Variants in EGR3 observed in about 807,000 individuals in gnomAD.
EGR3 encodes the protein early growth response 3.
Under a neutral mutation model 22.4 loss-of-function variants are expected in EGR3, and 4 were observed. The observed-to-expected ratio is 0.18, with a 90% CI of 0.09 to 0.41. The LOEUF is 0.41. Among genes scored for constraint, EGR3 ranks in the 10% least tolerant of loss-of-function variants. The probability of loss-of-function intolerance (pLI) is 1.00; values close to 1 mark genes in which losing one functional copy is unlikely to be tolerated. For missense variants in EGR3, 315 were observed against 541.3 expected, an observed-to-expected ratio of 0.58 and a Z score of 4.15; for synonymous variants, 219 against 226.8, an observed-to-expected ratio of 0.97 and a Z score of 0.31.
At position 22,692,958 on chromosome 8, in the gene EGR3, TGCCGCCGCC is replaced by T; in HGVS notation, c.-23_-15del. On this transcript the variant is annotated 5_prime_UTR_variant, in exon 1 of 2. Coordinates refer to ENST00000317216, the MANE Select transcript of EGR3 (RefSeq NM_004430.3). This position sits in a 1 kb window ranked among gnomAD's most constrained non-coding sequence, Gnocchi z 6.2. ...TTTGCCGGTCATAGCACTCCCGAGC[TGCCGCCGCC>T]GCCGCCACCGCCGCCACCGCCGCCG... 6.3e-7 allele frequency: 1 copy of T among 1,599,094 alleles called. No individual in the cohort carries two copies. Among genetic ancestry groups the T allele is most frequent in the Non-Finnish European group, 8.5e-7 (1 of 1,175,132 alleles).
chr8:22,692,640 C>T lies in EGR3; in HGVS notation c.154+151G>A. 2.1e-6 allele frequency: 3 copies of T among 1,429,372 alleles called. No individual in the cohort carries two copies. The highest frequency in any genetic ancestry group is 2.5e-5 in the East Asian group (1 of 39,382). 88.5% of individuals were successfully genotyped at this position (1,429,372 alleles called of 1,614,324 possible). A position where few individuals can be genotyped will look rare whatever the true frequency, so the allele number is the denominator to read the frequency against. On this transcript the variant is annotated intron_variant, in intron 1 of 1. Transcript: ENST00000317216. This position sits in a 1 kb window ranked among gnomAD's most constrained non-coding sequence, Gnocchi z 6.2. The stretch of plus-strand genomic sequence containing the variant: ...CCCCCCGCAAAATTCCCAGCGCGCC[C>T]CCATCTCTCCATCCATTTATCTATC...
chr8:22,691,189 A>T lies in EGR3; in HGVS notation c.448T>A (p.Cys150Ser), dbSNP rs1368120293. Residue 150 changes from cysteine to serine, a missense_variant, in exon 2 of 2, where the codon TGC becomes AGC. Transcript: ENST00000317216. ...MYPALPPYSN[C>S]GDLYSEPVSF... ...ACGGGCTCTGAGTAGAGGTCGCCGC[A>T]GTTGGAGTAGGGGGGTAGCGCGGGA... 1 of 1,613,872 alleles carries T rather than the reference A, an allele frequency of 6.2e-7. No homozygotes were observed. Among genetic ancestry groups the T allele is most frequent in the South Asian group, 1.1e-5 (1 of 91,074 alleles).
At position 22,691,110 on chromosome 8, in the gene EGR3, T is replaced by C. The variant is rs1803938880; in HGVS notation, c.527A>G (p.Tyr176Cys). Reference sequence around the variant, plus strand: ...GTCCAACGCCGGCTTGGCCGATTGGTAATCCTGGGGGGAATAGGCGAGCCC... The same window carrying C: ...GTCCAACGCCGGCTTGGCCGATTGGCAATCCTGGGGGGAATAGGCGAGCCC... ...NPGLAYSPQDYQSAKPALDSN... is the reference protein window; with the variant it reads ...NPGLAYSPQDCQSAKPALDSN... Residue 176 changes from tyrosine (Y) to cysteine (C), a missense_variant, in exon 2 of 2, where the codon TAC becomes TGC. Tyr to Cys is a radical substitution (Grantham distance 194). This residue lies in a region of EGR3 where 227 missense variants were observed against 303.6 expected (regional missense o/e 0.75). Transcript: ENST00000317216. 6 of 1,613,864 alleles carry C rather than the reference T, an allele frequency of 3.7e-6. No individual in the cohort carries two copies. Among genetic ancestry groups the C allele is most frequent in the Non-Finnish European group, 5.1e-6 (6 of 1,179,886 alleles).
chr8:22,690,407 C>T lies in EGR3; in HGVS notation c.*66G>A. 2 of 1,381,546 alleles carry T rather than the reference C, an allele frequency of 1.4e-6. No homozygotes were observed. The highest frequency in any genetic ancestry group is 2.0e-6 in the Non-Finnish European group (2 of 1,020,188). The allele number at this position is 1,381,546 out of a possible 1,614,324, so 85.6% of individuals were successfully genotyped here. A position where few individuals can be genotyped will look rare whatever the true frequency, so the allele number is the denominator to read the frequency against. On this transcript the variant is annotated 3_prime_UTR_variant, in exon 2 of 2. Coordinates refer to ENST00000317216, the MANE Select transcript of EGR3 (RefSeq NM_004430.3). ...CCTACGCCTCCGTGGCTGGCTTTCC[C>T]GCTGCTTTCAGGCTAGCAGCCGGGA... is the stretch of plus-strand genomic sequence containing the variant.
chr8:22,692,023 T>C lies in EGR3; in HGVS notation c.155-541A>G. 1.5e-6 allele frequency: 2 copies of C among 1,297,414 alleles called. No individual in the cohort carries two copies. Among genetic ancestry groups the C allele is most frequent in the Non-Finnish European group, 2.0e-6 (2 of 1,023,312 alleles). 80.4% of individuals were successfully genotyped at this position (1,297,414 alleles called of 1,614,324 possible). A position where few individuals can be genotyped will look rare whatever the true frequency, so the allele number is the denominator to read the frequency against. On this transcript the variant is annotated intron_variant, in intron 1 of 1. Coordinates refer to ENST00000317216, the MANE Select transcript of EGR3 (RefSeq NM_004430.3). The surrounding 1 kb of genome is among the most constrained non-coding windows in gnomAD (Gnocchi z 6.2). ...GAAGGGTGTCGCCCTCAAAGGGAGC[T>C]CTCCCTTCACCTACCCCGGCCCCAG...
At chr8:22,691,563 G>A (rs889277776) in intron 1 of EGR3, 81 bp from the exon 2 acceptor site, 11 of 1,537,536 alleles carry the variant, frequency 7.2e-6, no homozygotes, top group Non-Finnish European at 9.6e-6. Flanking sequence ...CCTTGCCCAG[G>A]TGCGGAGGGT....
intron 1 of EGR3, 132 bp from the exon 2 acceptor site, chr8:22,691,614 G>T: frequency 7.0e-7 from 1 of 1,437,714 alleles, no homozygotes; most frequent in East Asian, 2.4e-5. Flanking sequence ...TAAGAGGAAC[G>T]CTGAGCCCCG....
Position 22,692,107 on chromosome 8 carries a change from C to T in EGR3, c.155-625G>A, listed in dbSNP as rs1803989865. 7.3e-7 allele frequency: 1 copy of T among 1,363,854 alleles called. No homozygotes were observed. Among genetic ancestry groups the T allele is most frequent in the Non-Finnish European group, 9.4e-7 (1 of 1,062,944 alleles). 84.5% of individuals were successfully genotyped at this position (1,363,854 alleles called of 1,614,324 possible). A position where few individuals can be genotyped will look rare whatever the true frequency, so the allele number is the denominator to read the frequency against. Reference sequence around the variant, plus strand: ...CTGGAGGGGAAAATCCTAGCCCCAGCTAGGGAGGGTGGAGAGCGGCGGAAA... The same window carrying T: ...CTGGAGGGGAAAATCCTAGCCCCAGTTAGGGAGGGTGGAGAGCGGCGGAAA... On this transcript the variant is annotated intron_variant, in intron 1 of 1. Transcript: ENST00000317216. This position sits in a 1 kb window ranked among gnomAD's most constrained non-coding sequence, Gnocchi z 6.2.
chr8:22,692,697 C>T lies in EGR3; in HGVS notation c.154+94G>A. 6.6e-7 allele frequency: 1 copy of T among 1,509,736 alleles called. No homozygotes were observed. Among genetic ancestry groups the T allele is most frequent in the South Asian group, 1.2e-5 (1 of 83,314 alleles). 93.5% of individuals were successfully genotyped at this position (1,509,736 alleles called of 1,614,324 possible). A position where few individuals can be genotyped will look rare whatever the true frequency, so the allele number is the denominator to read the frequency against. On this transcript the variant is annotated intron_variant, in intron 1 of 1. Coordinates refer to ENST00000317216, the MANE Select transcript of EGR3 (RefSeq NM_004430.3). This position sits in a 1 kb window ranked among gnomAD's most constrained non-coding sequence, Gnocchi z 6.2. The stretch of plus-strand genomic sequence containing the variant: ...TCCACCCATCCATCCATCCATCCAT[C>T]CATCCATCCATCCATCCATCACCAG...
At position 22,692,311 on chromosome 8, in the gene EGR3, C is replaced by T; in HGVS notation, c.154+480G>A. The T allele has an allele frequency of 6.6e-7, 1 of 1,518,788 alleles. No individual in the cohort carries two copies. Among genetic ancestry groups the T allele is most frequent in the Non-Finnish European group, 8.8e-7 (1 of 1,139,556 alleles). 94.1% of individuals were successfully genotyped at this position (1,518,788 alleles called of 1,614,324 possible). On this transcript the variant is annotated intron_variant, in intron 1 of 1. Coordinates refer to ENST00000317216, the MANE Select transcript of EGR3 (RefSeq NM_004430.3). This position sits in a 1 kb window ranked among gnomAD's most constrained non-coding sequence, Gnocchi z 6.2. ...GGCAGCGTCGCAGTACCTCTCCCAC[C>T]GCGGGGACTCCACGCCGCACATGGC... is the stretch of plus-strand genomic sequence containing the variant.
chr8:22,691,347 C>T lies in EGR3; in HGVS notation c.290G>A (p.Trp97Ter). 6.2e-7 allele frequency: 1 copy of T among 1,614,132 alleles called. No homozygotes were observed. The highest frequency in any genetic ancestry group is 8.5e-7 in the Non-Finnish European group (1 of 1,180,028). ...GKFAFDSPSN[W>*]CQDNIISLMS... ...GAGGCTAATGATGTTGTCCTGGCACCAGTTGGAAGGGGAGTCGAAGGCGAA... is the reference window on the plus strand; with the variant it reads ...GAGGCTAATGATGTTGTCCTGGCACTAGTTGGAAGGGGAGTCGAAGGCGAA... Residue 97 changes from tryptophan to a stop codon, truncating the protein, a stop_gained, in exon 2 of 2, where the codon TGG (tryptophan) becomes TAG (stop). Coordinates refer to ENST00000317216, the MANE Select transcript of EGR3 (RefSeq NM_004430.3). LOFTEE classifies it high-confidence loss of function.
chr8:22,691,059 T>G lies in EGR3; in HGVS notation c.578A>C (p.Asp193Ala). 2 of 1,611,650 alleles carry G rather than the reference T, an allele frequency of 1.2e-6. No individual in the cohort carries two copies. Among genetic ancestry groups the G allele is most frequent in the Non-Finnish European group, 1.7e-6 (2 of 1,178,206 alleles). ...LDSNLFPMIP[D>A]YNLYHHPNDM... ...GTTGGGGTGGTGGTAGAGGTTGTAGTCAGGAATCATGGGGAAGAGATTGCT... is the reference window on the plus strand; with the variant it reads ...GTTGGGGTGGTGGTAGAGGTTGTAGGCAGGAATCATGGGGAAGAGATTGCT... Residue 193 changes from aspartate (D) to alanine (A), a missense_variant, in exon 2 of 2, where the codon GAC becomes GCC. By Grantham distance (126) the Asp-to-Ala change is moderately radical (BLOSUM62 -2). Transcript: ENST00000317216.
rs1000451981 is a variant in EGR3 at position 22,690,289 on chromosome 8, C to T, written c.*184G>A. 1.6e-6 allele frequency: 1 copy of T among 609,526 alleles called. No individual in the cohort carries two copies. The highest frequency in any genetic ancestry group is 2.9e-6 in the Non-Finnish European group (1 of 350,058). The allele number at this position is 609,526 out of a possible 1,614,324, so 37.8% of individuals were successfully genotyped here. A position where few individuals can be genotyped will look rare whatever the true frequency, so the allele number is the denominator to read the frequency against. ...AGGGGAAGGCGCCTCCAGCCCTGGC[C>T]CCTGACCGCTGGCCGGCGTGAAAGG... On this transcript the variant is annotated 3_prime_UTR_variant, in exon 2 of 2. Transcript: ENST00000317216.
rs1404836693 is a variant in EGR3, at chr8:22,691,381, A to G, written c.256T>C (p.Leu86=). 4 of 1,613,938 alleles carry G rather than the reference A, an allele frequency of 2.5e-6. No homozygotes were observed. Among genetic ancestry groups the G allele is most frequent in the Admixed American group, 1.7e-5 (1 of 60,002 alleles). ...GGGGAGTCGAAGGCGAACTTTCCCA[A>G]GTAGGTCACGGTCTTGTTGCCGGGG... ...PAPGNKTVTY[L]GKFAFDSPSN... Residue 86 remains leucine, a synonymous_variant, in exon 2 of 2, where the codon TTG becomes CTG. Coordinates refer to ENST00000317216, the MANE Select transcript of EGR3 (RefSeq NM_004430.3).
Position 22,692,871 on chromosome 8 carries a change from T to C in EGR3, c.74A>G (p.Tyr25Cys). 1.9e-6 allele frequency: 3 copies of C among 1,612,272 alleles called. No individual in the cohort carries two copies. Among genetic ancestry groups the C allele is most frequent in the Non-Finnish European group, 2.5e-6 (3 of 1,179,602 alleles). ...GAGCGCGCTGGGGATCTCCTCGGGGTACAGATTGTCAGGCAGTTGGTTTAG... is the reference window on the plus strand; with the variant it reads ...GAGCGCGCTGGGGATCTCCTCGGGGCACAGATTGTCAGGCAGTTGGTTTAG... ...SLLNQLPDNL[Y>C]PEEIPSALNL... The change falls in exon 1 of 2, where the codon TAC (tyrosine) becomes TGC (cysteine). Residue 25 changes from tyrosine to cysteine, a missense_variant. By Grantham distance (194) the Tyr-to-Cys change is radical (BLOSUM62 -2). Transcript: ENST00000317216. The surrounding 1 kb of genome is among the most constrained non-coding windows in gnomAD (Gnocchi z 6.2).
Position 22,689,990 on chromosome 8 carries a change from C to A in EGR3, c.*483G>T, listed in dbSNP as rs1192884846. 2 of 170,430 alleles carry A rather than the reference C, an allele frequency of 1.2e-5. No homozygotes were observed. The highest frequency in any genetic ancestry group is 4.8e-5 in the African/African-American group (2 of 41,814). The allele number at this position is 170,430 out of a possible 1,614,324, so 10.6% of individuals were successfully genotyped here. A position where few individuals can be genotyped will look rare whatever the true frequency, so the allele number is the denominator to read the frequency against. On this transcript the variant is annotated 3_prime_UTR_variant, in exon 2 of 2. Coordinates refer to ENST00000317216, the MANE Select transcript of EGR3 (RefSeq NM_004430.3). ...GCACACACTCGCGCGCATCCCCGCA[C>A]GCAGGCGCGCGTGCGTGCGGCGGGC...
rs764602259 is a variant in EGR3, at chr8:22,688,052, A to G, written c.*2421T>C. ...AGTCTTTCAAAAAATATCATTCCCC[A>G]TAGGTTTTCCTGTTTAAAACCTGAT... On this transcript the variant is annotated 3_prime_UTR_variant, in exon 2 of 2. Coordinates refer to ENST00000317216, the MANE Select transcript of EGR3 (RefSeq NM_004430.3). The G allele has an allele frequency of 2.0e-5, 3 of 152,402 alleles. No homozygotes were observed. Among genetic ancestry groups the G allele is most frequent in the Non-Finnish European group, 4.4e-5 (3 of 67,990 alleles). 9.4% of individuals were successfully genotyped at this position (152,402 alleles called of 1,614,324 possible).
At position 22,688,919 on chromosome 8, in the gene EGR3, C is replaced by T. The variant is rs556642382; in HGVS notation, c.*1554G>A. ...GAGACTGGGTATGGAAAGGAGACACCTCATTCATCCACATGGATTCATGAA... is the reference window on the plus strand; with the variant it reads ...GAGACTGGGTATGGAAAGGAGACACTTCATTCATCCACATGGATTCATGAA... On this transcript the variant is annotated 3_prime_UTR_variant, in exon 2 of 2. Transcript: ENST00000317216. 7.9e-5 allele frequency: 12 copies of T among 152,736 alleles called. No homozygotes were observed. The highest frequency in any genetic ancestry group is 2.4e-4 in the African/African-American group (10 of 41,560). 9.5% of individuals were successfully genotyped at this position (152,736 alleles called of 1,614,324 possible).
rs571117874 is a variant in EGR3 at position 22,691,834 on chromosome 8, G to A, written c.155-352C>T. 8 of 985,334 alleles carry A rather than the reference G, an allele frequency of 8.1e-6. No individual in the cohort carries two copies. In the East Asian group the frequency reaches 6.8e-4, roughly 84 times the overall value. The allele number at this position is 985,334 out of a possible 1,614,324, so 61.0% of individuals were successfully genotyped here. A position where few individuals can be genotyped will look rare whatever the true frequency, so the allele number is the denominator to read the frequency against. ...TGCAGCTACAGGTAGTTTCAGACCC[G>A]GAGCGCGCTGGGCTCTCGCTCTCCA... On this transcript the variant is annotated intron_variant, in intron 1 of 1. Coordinates refer to ENST00000317216, the MANE Select transcript of EGR3 (RefSeq NM_004430.3).
Sources: allele counts gnomAD v4.1 joint callset, GRCh38; gene constraint gnomAD v4.1.1; regional missense constraint gnomAD v4.1.1; non-coding constraint Gnocchi (gnomAD v3.1); transcripts MANE v1.5; gene names NCBI Gene and HGNC (gene_info 2026-07-23, HGNC 2026-07-21).